The following APAF1 variants were observed in gnomAD, a reference collection of about 807,000 sequenced individuals.
APAF1 encodes the protein apoptotic protease-activating factor 1.
APAF1 carries 91 observed loss-of-function variants against 152.4 expected under a neutral mutation model. The observed-to-expected ratio is 0.60, with a 90% CI of 0.50 to 0.71. APAF1 has a LOEUF of 0.71. Among genes scored for constraint, APAF1 ranks in the 30% least tolerant of loss-of-function variants. APAF1 has a pLI of 0.00. For synonymous variants in APAF1, 484 were observed against 494.1 expected (o/e 0.98, Z 0.27); for missense variants, 1,283 against 1,472.0 (o/e 0.87, Z 2.10).
intron 1 of APAF1, 63 bp from the exon 2 acceptor site, chr12:98,648,256 T>G: frequency 2.4e-5 from 34 of 1,395,986 alleles, no homozygotes; most frequent in Non-Finnish European, 3.1e-5. Context: ...TGTTTATTAG[T>G]GAGATTATGT....
At chr12:98,710,899 T>G (rs1176117129) in intron 20 of APAF1, among the ~76,000 whole-genome samples, 7 of 152,206 alleles carry the variant, frequency 4.6e-5, no homozygotes, top group African/African-American at 1.7e-4. Context: ...CTTTTCATCT[T>G]TACAGTCTCT....
At chr12:98,730,787 T>G (rs1008884620) in intron 26 of APAF1, among the ~76,000 whole-genome samples, 3 of 151,946 alleles carry the variant, frequency 2.0e-5, no homozygotes, top group Admixed American at 2.0e-4. Context: ...CCTGTTTACT[T>G]TAGAATCCAA....
At chr12:98,696,483 A>C (rs1798610817) in intron 16 of APAF1, among the ~76,000 whole-genome samples, 1 of 152,206 alleles carries the variant, frequency 6.6e-6, no homozygotes, top group Non-Finnish European at 1.5e-5. Context: ...CCTACTTCCC[A>C]ACACTGCCAC....
In APAF1 at chr12:98,733,328, TCAC is replaced by T. The variant is rs1012976563; in HGVS notation, c.*765_*767del. ...TTGTATTTTTAGTAGAGACGGGGTT[TCAC>T]CATGTTGGCCGGGATGGTCTCGATC... is the stretch of plus-strand genomic sequence containing the variant. On this transcript the variant is annotated 3_prime_UTR_variant, in exon 27 of 27. Coordinates refer to ENST00000551964, the MANE Select transcript of APAF1 (RefSeq NM_181861.2). 3.9e-4 allele frequency: 60 copies of T among 152,362 alleles called. No individual in the cohort carries two copies. Among genetic ancestry groups the T allele is most frequent in the African/African-American group, 1.5e-3 (60 of 41,330 alleles). The allele number at this position is 152,362 out of a possible 1,614,324, so 9.4% of individuals were successfully genotyped here. A position where few individuals can be genotyped will look rare whatever the true frequency, so the allele number is the denominator to read the frequency against.
At chr12:98,648,907 C>G in intron 3 of APAF1, 92 bp downstream of exon 3, 4 of 1,227,650 alleles carry the variant, frequency 3.3e-6, no homozygotes, top group Non-Finnish European at 4.8e-6. Context: ...AGAGTGTGAC[C>G]AGTTCACTGA....
intron 12 of APAF1, among the ~76,000 whole-genome samples, 189 bp downstream of exon 12, chr12:98,671,908 G>GA (rs2097680691): frequency 6.6e-6 from 1 of 152,198 alleles, no homozygotes; most frequent in East Asian, 1.9e-4. Context: ...TATTTTCAAA[G>GA]AATCCATATA....
chr12:98,692,630 G>A (rs1312996969), intron 16 of APAF1, among the ~76,000 whole-genome samples: 1 of 152,142 alleles, frequency 6.6e-6, no homozygotes, highest in Non-Finnish European at 1.5e-5. Flanking sequence ...TGGCTTATAA[G>A]TGAGAACTTG....
intron 4 of APAF1, among the ~76,000 whole-genome samples, chr12:98,655,789 T>TC (rs2097656603): frequency 6.8e-6 from 1 of 146,230 alleles, no homozygotes. Flanking sequence ...AAATTTTTCT[T>TC]TTTTTTTTTT....
intron 21 of APAF1, among the ~76,000 whole-genome samples, chr12:98,714,963 C>T (rs189986401): frequency 2.8e-3 from 418 of 150,150 alleles, no homozygotes; most frequent in Middle Eastern, 6.8e-3. Context: ...CTTCTGATAT[C>T]CTGTCTCCCT....
intron 16 of APAF1, among the ~76,000 whole-genome samples, chr12:98,689,794 T>G (rs997420213): frequency 1.9e-4 from 29 of 152,174 alleles, no homozygotes; most frequent in African/African-American, 6.3e-4. Context: ...TCTTACAGCA[T>G]CCATCTGTTT....
Position 98,648,439 on chromosome 12 carries a change from A to G in APAF1, c.80A>G (p.Asp27Gly). The change falls in exon 2 of 27, where the codon GAT (aspartate) becomes GGT (glycine). Residue 27 changes from aspartate (D) to glycine (G), a missense_variant. Transcript: ENST00000551964. ...EKDIKTSYIM[D>G]HMISDGFLTI... ...GACATCAAGACATCCTACATCATGG[A>G]TCACATGATTAGTGATGGATTTTTA... The G allele has an allele frequency of 6.2e-7, 1 of 1,613,280 alleles. No homozygotes were observed.
intron 7 of APAF1, among the ~76,000 whole-genome samples, chr12:98,665,274 A>AT (rs1304241904): frequency 1.9e-5 from 2 of 107,512 alleles, no homozygotes; most frequent in African/African-American, 3.7e-5. Flanking sequence ...ATATATATAT[A>AT]TATATTTTTT....
rs2097746055 is a variant in APAF1 at position 98,723,547 on chromosome 12, T to A, written c.3205-92T>A. 3 of 1,277,630 alleles carry A rather than the reference T, an allele frequency of 2.3e-6. No homozygotes were observed. The South Asian group carries it at 3.9e-5, about 17-fold the overall frequency. 79.1% of individuals were successfully genotyped at this position (1,277,630 alleles called of 1,614,324 possible). On this transcript the variant is annotated intron_variant, in intron 23 of 26. Transcript: ENST00000551964. ...AACAGCCAGTGTATTAAAACTCTTGTTTTATAGACCTGTCTTGTAGCTGAT... is the reference window on the plus strand; with the variant it reads ...AACAGCCAGTGTATTAAAACTCTTGATTTATAGACCTGTCTTGTAGCTGAT...
At chr12:98,702,262 T>C (rs902123381) in intron 17 of APAF1, among the ~76,000 whole-genome samples, 2 of 151,964 alleles carry the variant, frequency 1.3e-5, no homozygotes, top group African/African-American at 4.8e-5. Context: ...AGACGGGGTT[T>C]CACCATGTTA....
At chr12:98,723,423 A>T in intron 23 of APAF1, 111 bp downstream of exon 23, 1 of 1,249,188 alleles carries the variant, frequency 8.0e-7, no homozygotes, top group Non-Finnish European at 1.1e-6. Flanking sequence ...AAAATTTTTA[A>T]TTTTTCTCAT....
At chr12:98,689,075 G>A (rs73142310) in intron 16 of APAF1, among the ~76,000 whole-genome samples, 9,733 of 152,134 alleles carry the variant, frequency 0.064, 442 homozygotes, top group Non-Finnish European at 0.098. Flanking sequence ...TTGGCCTCCT[G>A]AAGTGCTGAG....
At chr12:98,690,006 A>G (rs2153328675) in intron 16 of APAF1, among the ~76,000 whole-genome samples, 1 of 152,348 alleles carries the variant, frequency 6.6e-6, no homozygotes, top group East Asian at 1.9e-4. Context: ...AACTCATAGT[A>G]CAGAATTGTA....
chr12:98,670,836 T>C lies in APAF1; in HGVS notation c.1495-137T>C, dbSNP rs2097679198. 1.1e-5 allele frequency: 7 copies of C among 637,048 alleles called. No individual in the cohort carries two copies. In the East Asian group the frequency reaches 1.9e-4, roughly 18 times the overall value. The allele number at this position is 637,048 out of a possible 1,614,324, so 39.5% of individuals were successfully genotyped here. ...ATGTTTCTTTGGAACTATGGATGTG[T>C]TCTTTCTCACTAGCTTTTGCATCCT... On this transcript the variant is annotated intron_variant, in intron 10 of 26. Coordinates refer to ENST00000551964, the MANE Select transcript of APAF1 (RefSeq NM_181861.2).
At position 98,665,766 on chromosome 12, in the gene APAF1, A is replaced by G. The variant is rs1389249015; in HGVS notation, c.1169A>G (p.Gln390Arg). 6.2e-7 allele frequency: 1 copy of G among 1,613,718 alleles called. No homozygotes were observed. Among genetic ancestry groups the G allele is most frequent in the East Asian group, 2.2e-5 (1 of 44,856 alleles). Reference protein sequence around the residue: ...KDYYTDLSILQKDVKVPTKVL... With the variant: ...KDYYTDLSILRKDVKVPTKVL... ...TATTACACAGATCTTTCCATCCTTC[A>G]GAAGGACGTTAAGGTGCCTACAAAG... Residue 390 changes from glutamine to arginine, a missense_variant, in exon 8 of 27, where the codon CAG (glutamine) becomes CGG (arginine). Coordinates refer to ENST00000551964, the MANE Select transcript of APAF1 (RefSeq NM_181861.2).
Sources: allele counts gnomAD v4.1 joint callset (sites outside exome capture counted in the v4.1 genomes callset), GRCh38; gene constraint gnomAD v4.1.1; transcripts MANE v1.5; gene names NCBI Gene and HGNC (gene_info 2026-07-23, HGNC 2026-07-21).